RGS9: variants seen among roughly 807,000 people sequenced by gnomAD.
The protein encoded by RGS9 is regulator of G protein signaling 9, also known as regulator of G-protein signalling 9.
Under a neutral mutation model 102.0 loss-of-function variants are expected in RGS9, and 78 were observed. That is an observed-to-expected ratio of 0.76 (90% CI 0.64 to 0.92). RGS9 has a LOEUF of 0.92. Among genes scored for constraint, RGS9 ranks in the 40% least tolerant of loss-of-function variants. The pLI, the probability that RGS9 is intolerant of heterozygous loss-of-function variation, is 0.00. For synonymous variants in RGS9, 353 were observed against 318.6 expected, an observed-to-expected ratio of 1.11 and a Z score of -1.15; for missense variants, 833 against 866.1, an observed-to-expected ratio of 0.96 and a Z score of 0.48.
chr17:65,190,580 G>T (rs77062324), intron 11 of RGS9, among the ~76,000 whole-genome samples: 1 of 152,144 alleles, frequency 6.6e-6, no homozygotes, highest in Non-Finnish European at 1.5e-5. Flanking sequence ...TATCGTTACT[G>T]GTTCCAATTC....
intron 17 of RGS9, among the ~76,000 whole-genome samples, chr17:65,221,206 C>G (rs891458359): frequency 2.0e-5 from 3 of 151,938 alleles, no homozygotes; most frequent in African/African-American, 7.3e-5. Flanking sequence ...AGAGAAGATG[C>G]TAGGGGAGGA....
At chr17:65,210,440 G>A in intron 16 of RGS9, 48 bp from the exon 17 acceptor site, 1 of 1,601,674 alleles carries the variant, frequency 6.2e-7, no homozygotes, top group Non-Finnish European at 8.5e-7. Flanking sequence ...TCAGTGTTGG[G>A]CAAGCTGTGT....
At chr17:65,186,710 A>G (rs1157520843) in intron 9 of RGS9, among the ~76,000 whole-genome samples, 4 of 152,212 alleles carry the variant, frequency 2.6e-5, no homozygotes, top group African/African-American at 9.6e-5. Context: ...ACTGACCAGG[A>G]GGTGTTGAGA....
intron 8 of RGS9, among the ~76,000 whole-genome samples, chr17:65,177,374 G>A (rs769877458): frequency 6.2e-5 from 9 of 145,884 alleles, no homozygotes; most frequent in Non-Finnish European, 9.1e-5. Context: ...CCATCTACCC[G>A]CCACCCATTT....
chr17:65,169,220 C>G lies in RGS9; in HGVS notation c.582+939C>G, dbSNP rs138743054. Among the ~76,000 whole-genome samples the G allele has an allele frequency of 9.1e-3, 1,391 of 152,260 alleles. 8 individuals carry two copies. The highest frequency in any genetic ancestry group is 0.031 in the African/African-American group (1,301 of 41,540). ...GCTTATATTCTTTATATACTGAAAA[C>G]AGATTCTCCTAAGGTGTTCCACTCT... is the stretch of plus-strand genomic sequence containing the variant. On this transcript the variant is annotated intron_variant, in intron 8 of 18. Coordinates refer to ENST00000262406, the MANE Select transcript of RGS9 (RefSeq NM_003835.4).
intron 17 of RGS9, among the ~76,000 whole-genome samples, chr17:65,215,020 G>A (rs757358203): frequency 2.6e-5 from 4 of 152,190 alleles, no homozygotes; most frequent in Non-Finnish European, 4.4e-5. Context: ...TCCTTAAAAA[G>A]GAGAGTTAGT....
intron 1 of RGS9, among the ~76,000 whole-genome samples, chr17:65,151,036 C>G (rs1284357810): frequency 2.0e-5 from 3 of 152,144 alleles, no homozygotes; most frequent in African/African-American, 7.2e-5. Context: ...TGTCAAACAT[C>G]CAGTTTGTTT....
At chr17:65,199,128 T>C (rs1227477754) in intron 13 of RGS9, among the ~76,000 whole-genome samples, 1 of 152,260 alleles carries the variant, frequency 6.6e-6, no homozygotes, top group Non-Finnish European at 1.5e-5. Flanking sequence ...GCTCATTTAC[T>C]TTTTAAAAAG....
chr17:65,162,369 G>A (rs1331914178), intron 6 of RGS9, among the ~76,000 whole-genome samples: 2 of 152,026 alleles, frequency 1.3e-5, no homozygotes, highest in Non-Finnish European at 2.9e-5. Flanking sequence ...GCAACACAGT[G>A]AGACACTGTC....
intron 1 of RGS9, among the ~76,000 whole-genome samples, chr17:65,144,607 G>A (rs113705224): frequency 6.6e-5 from 10 of 152,338 alleles, no homozygotes; most frequent in African/African-American, 2.4e-4. Context: ...CTGGGAAGCA[G>A]AGTCTGTTTG....
At chr17:65,192,613 CA>C (rs67234329) in intron 11 of RGS9, among the ~76,000 whole-genome samples, 3,729 of 126,966 alleles carry the variant, frequency 0.029, 122 homozygotes, top group African/African-American at 0.082. Flanking sequence ...GACAATGTCT[CA>C]AAAAAAAAAA....
chr17:65,223,777 G>T (rs1467509602), intron 17 of RGS9, among the ~76,000 whole-genome samples: 2 of 146,474 alleles, frequency 1.4e-5, no homozygotes, highest in Non-Finnish European at 3.0e-5. Context: ...TTAAGATGGA[G>T]TTTTGCTCTG....
intron 1 of RGS9, among the ~76,000 whole-genome samples, chr17:65,151,813 G>T (rs1222711806): frequency 6.6e-6 from 1 of 152,128 alleles, no homozygotes; most frequent in African/African-American, 2.4e-5. Context: ...GCTCTTCCAG[G>T]GCTCTGAAAG....
At position 65,227,307 on chromosome 17, in the gene RGS9, G is replaced by A. The variant is rs778574059; in HGVS notation, c.1925G>A (p.Gly642Glu). ...FFQIKMDVPT[G>E]SGTCLMDSED... ...CAGATCAAAATGGATGTGCCCACGG[G>A]GAGCGGGACCTGCTTGATGGACTCG... Residue 642 changes from glycine (G) to glutamate (E), a missense_variant, in exon 19 of 19, where the codon GGG (glycine) becomes GAG (glutamate). By Grantham distance (98) the Gly-to-Glu change is moderately conservative. Transcript: ENST00000262406. The A allele has an allele frequency of 2.4e-5, 39 of 1,614,074 alleles. No homozygotes were observed. Among genetic ancestry groups the A allele is most frequent in the Non-Finnish European group, 2.7e-5 (32 of 1,180,054 alleles).
intron 13 of RGS9, among the ~76,000 whole-genome samples, chr17:65,201,535 C>T (rs1479850994): frequency 1.3e-5 from 2 of 152,198 alleles, no homozygotes; most frequent in African/African-American, 4.8e-5. Context: ...AAAACCGTAG[C>T]GTAGCAACGC....
intron 17 of RGS9, among the ~76,000 whole-genome samples, chr17:65,214,024 C>A (rs1913401559): frequency 6.6e-6 from 1 of 152,148 alleles, no homozygotes; most frequent in Non-Finnish European, 1.5e-5. Context: ...TGCAGTGGTG[C>A]AATCATGGCT....
chr17:65,145,841 C>T (rs571351930), intron 1 of RGS9, among the ~76,000 whole-genome samples: 11 of 151,954 alleles, frequency 7.2e-5, no homozygotes, highest in South Asian at 2.1e-4. Flanking sequence ...ACTGAGGAGA[C>T]GCCTCAGAGG....
intron 17 of RGS9, among the ~76,000 whole-genome samples, chr17:65,214,559 G>A (rs909806112): frequency 6.6e-6 from 1 of 152,238 alleles, no homozygotes; most frequent in Non-Finnish European, 1.5e-5. Context: ...AGAGTAGGGT[G>A]TCATCAGATA....
chr17:65,207,414 G>T (rs1168137604), intron 15 of RGS9, among the ~76,000 whole-genome samples: 2 of 152,148 alleles, frequency 1.3e-5, no homozygotes, highest in African/African-American at 2.4e-5. Flanking sequence ...TAATTGTTTA[G>T]GTGTCCTCAT....
Sources: allele counts gnomAD v4.1 joint callset (sites outside exome capture counted in the v4.1 genomes callset), GRCh38; gene constraint gnomAD v4.1.1; transcripts MANE v1.5; gene names NCBI Gene and HGNC (gene_info 2026-07-23, HGNC 2026-07-21).